The following FRMD3 variants were observed in gnomAD, a reference collection of about 807,000 sequenced individuals.
The protein encoded by FRMD3 is FERM domain containing 3.
In FRMD3, 33 loss-of-function variants were observed where a neutral mutation model predicts 70.2. The ratio of observed to expected loss-of-function variants is 0.47; its 90% confidence interval spans 0.36 to 0.63. FRMD3 has a LOEUF of 0.63. FRMD3 is among the 20% of genes least tolerant of loss of function. The probability of loss-of-function intolerance (pLI) is 0.00; values close to 1 mark genes in which losing one functional copy is unlikely to be tolerated. For missense variants in FRMD3, 632 were observed against 711.4 expected, an observed-to-expected ratio of 0.89 and a Z score of 1.27; for synonymous variants, 279 against 255.9, an observed-to-expected ratio of 1.09 and a Z score of -0.86.
At chr9:83,552,523 T>A in the FRMD3 span, among the ~76,000 whole-genome samples, 1 of 152,188 alleles carries the variant, frequency 6.6e-6, no homozygotes, top group Non-Finnish European at 1.5e-5. Context: ...GTCCTGAATA[T>A]CTTTGTTACT....
intron 1 of FRMD3, among the ~76,000 whole-genome samples, chr9:83,486,122 A>G (rs1828685026): frequency 6.6e-6 from 1 of 152,144 alleles, no homozygotes; most frequent in Admixed American, 6.5e-5. Flanking sequence ...GAACATATTT[A>G]TTTATGTTGA....
chr9:83,543,434 T>C (rs917681860), upstream of FRMD3, among the ~76,000 whole-genome samples: 1 of 152,094 alleles, frequency 6.6e-6, no homozygotes, highest in Non-Finnish European at 1.5e-5. Context: ...GGCGGCAATT[T>C]GGGAATTTCT....
At chr9:83,534,826 C>G (rs1002923475) in intron 1 of FRMD3, among the ~76,000 whole-genome samples, 1 of 152,166 alleles carries the variant, frequency 6.6e-6, no homozygotes, top group African/African-American at 2.4e-5. Flanking sequence ...TGCCAGCCTC[C>G]CTGGAAGACC....
intron 2 of FRMD3, among the ~76,000 whole-genome samples, chr9:83,386,143 G>A (rs1825504790): frequency 6.6e-6 from 1 of 152,190 alleles, no homozygotes; most frequent in Admixed American, 6.5e-5. Flanking sequence ...CAGAGACTCA[G>A]ATAGGCTGCA....
chr9:83,243,105 G>T (rs1587598600), downstream of FRMD3: 1 of 1,227,802 alleles, frequency 8.1e-7, no homozygotes. Flanking sequence ...ACTGGGTGGG[G>T]CCCACCGAAC....
chr9:83,289,831 T>A (rs938817270), intron 13 of FRMD3, among the ~76,000 whole-genome samples: 2 of 152,252 alleles, frequency 1.3e-5, no homozygotes, highest in African/African-American at 4.8e-5. Flanking sequence ...TCTTTGAAAT[T>A]AATAAAATGT....
In FRMD3 at chr9:83,310,512, T is replaced by C. The variant is rs763825348; in HGVS notation, c.810A>G (p.Thr270=). Residue 270 remains threonine (T), a synonymous_variant, in exon 9 of 14, where the codon ACA becomes ACG. Transcript: ENST00000304195. The part of the protein sequence containing the change: ...DVCKLKFEGK[T]FYVIGTQKEK... ...CCTTCTGGGTGCCAATCACATAAAA[T>C]GTCTTCCCTTCAAACTTCAATTTGC... 3 of 1,605,384 alleles carry C rather than the reference T, an allele frequency of 1.9e-6. No individual in the cohort carries two copies. Among genetic ancestry groups the C allele is most frequent in the African/African-American group, 2.7e-5 (2 of 74,408 alleles).
At chr9:83,329,858 A>C (rs1836183016) in intron 6 of FRMD3, among the ~76,000 whole-genome samples, 1 of 152,220 alleles carries the variant, frequency 6.6e-6, no homozygotes, top group Admixed American at 6.5e-5. Flanking sequence ...AAACCTGATG[A>C]ACTGGTGATG....
At chr9:83,289,030 T>C (rs1728059286) in intron 13 of FRMD3, among the ~76,000 whole-genome samples, 1 of 152,226 alleles carries the variant, frequency 6.6e-6, no homozygotes, top group Non-Finnish European at 1.5e-5. Context: ...ATGTCCCTTC[T>C]CTTTTCTTCT....
chr9:83,536,691 T>C (rs1364284182), intron 1 of FRMD3, among the ~76,000 whole-genome samples: 2 of 152,148 alleles, frequency 1.3e-5, no homozygotes, highest in Non-Finnish European at 2.9e-5. Flanking sequence ...CCTACTTTCC[T>C]GGGAGATCAT....
chr9:83,336,463 T>G lies in FRMD3; in HGVS notation c.473-824A>C, dbSNP rs147146510. 5.9e-3 allele frequency among the ~76,000 whole-genome samples: 894 copies of G among 151,504 alleles called. 7 individuals are homozygous for G. Among genetic ancestry groups the G allele is most frequent in the African/African-American group, 0.021 (855 of 41,186 alleles). On this transcript the variant is annotated intron_variant, in intron 5 of 13. Coordinates refer to ENST00000304195, the MANE Select transcript of FRMD3 (RefSeq NM_174938.6). ...TTCCATTCACAGCTAATATTCTCTGTGTCAGGAATTCCCTGACTGGAGCTG... is the reference window on the plus strand; with the variant it reads ...TTCCATTCACAGCTAATATTCTCTGGGTCAGGAATTCCCTGACTGGAGCTG...
chr9:83,313,058 G>A (rs1001122718), intron 7 of FRMD3, among the ~76,000 whole-genome samples: 8 of 152,214 alleles, frequency 5.3e-5, no homozygotes, highest in South Asian at 2.1e-4. Context: ...CGTTGCTTCA[G>A]TGAAACATTT....
In FRMD3 at chr9:83,504,603, C is replaced by G. The variant is rs1042992855; in HGVS notation, c.147+33482G>C. 6.6e-5 allele frequency among the ~76,000 whole-genome samples: 10 copies of G among 152,168 alleles called. No individual in the cohort carries two copies. In the South Asian group the frequency reaches 1.2e-3, roughly 19 times the overall value. On this transcript the variant is annotated intron_variant, in intron 1 of 13. Coordinates refer to ENST00000304195, the MANE Select transcript of FRMD3 (RefSeq NM_174938.6). ...CCCAGGTATTCATTTGACTTCCCCC[C>G]CCACCACTTCTTTCAGGCCTCTCCT...
rs199630865 is a variant in FRMD3, at chr9:83,372,965, A to G, written c.253-10T>C. The G allele has an allele frequency of 6.5e-5, 13 of 198,624 alleles. No homozygotes were observed. Among genetic ancestry groups the G allele is most frequent in the Admixed American group, 1.3e-4 (1 of 7,776 alleles). 12.3% of individuals were successfully genotyped at this position (198,624 alleles called of 1,614,324 possible). A position where few individuals can be genotyped will look rare whatever the true frequency, so the allele number is the denominator to read the frequency against. On this transcript the variant is annotated splice_polypyrimidine_tract_variant and intron_variant, in intron 2 of 13. Coordinates refer to ENST00000304195, the MANE Select transcript of FRMD3 (RefSeq NM_174938.6). ...TAGGTTCAAGCCAGTGCTAGGGAGG[A>G]AAAAAAAAAAAGCAGAGATCAGGGG...
chr9:83,529,502 A>G (rs575294451), intron 1 of FRMD3, among the ~76,000 whole-genome samples: 65 of 152,358 alleles, frequency 4.3e-4, no homozygotes, highest in African/African-American at 1.4e-3. Flanking sequence ...CTATGTATCA[A>G]TTTTAAAAAT....
At chr9:83,338,352 C>T (rs1043554168) in intron 5 of FRMD3, among the ~76,000 whole-genome samples, 2 of 152,130 alleles carry the variant, frequency 1.3e-5, no homozygotes, top group African/African-American at 4.8e-5. Flanking sequence ...ATATTATGAC[C>T]TAGCAATCCC....
chr9:83,531,415 C>T (rs1829789278), intron 1 of FRMD3, among the ~76,000 whole-genome samples: 1 of 152,170 alleles, frequency 6.6e-6, no homozygotes, highest in Non-Finnish European at 1.5e-5. Flanking sequence ...AAGATCTTAG[C>T]AGACCATTGG....
intron 1 of FRMD3, among the ~76,000 whole-genome samples, chr9:83,418,241 C>T (rs953765163): frequency 6.6e-6 from 1 of 151,908 alleles, no homozygotes; most frequent in Non-Finnish European, 1.5e-5. Context: ...GACTAAGACC[C>T]CAAAAGCAAA....
chr9:83,580,620 T>A, the FRMD3 span, among the ~76,000 whole-genome samples: 2 of 151,988 alleles, frequency 1.3e-5, no homozygotes, highest in African/African-American at 4.8e-5. Context: ...AGTATGGGGA[T>A]CAAGAGAATG....
Sources: gnomAD v4.1 joint callset for allele counts (sites outside exome capture counted in the v4.1 genomes callset) on GRCh38, gnomAD v4.1.1 for gene constraint, MANE v1.5 for transcripts, NCBI Gene and HGNC (gene_info 2026-07-23, HGNC 2026-07-21) for gene names.